The following LTA4H variants were observed in gnomAD, a reference collection of about 807,000 sequenced individuals.
LTA4H encodes leukotriene A4 hydrolase.
A neutral mutation model predicts 89.8 loss-of-function variants in LTA4H; 59 were observed. That is an observed-to-expected ratio of 0.66 (90% CI 0.53 to 0.82). LTA4H has a LOEUF of 0.82. Ranked by LOEUF, LTA4H falls within the 40% of genes least tolerant of loss-of-function variation. LTA4H has a pLI of 0.00. For missense variants in LTA4H, 617 were observed against 727.0 expected (o/e 0.85, Z 1.74); for synonymous variants, 227 against 253.1 (o/e 0.90, Z 0.98).
At chr12:96,017,487 A>T in intron 9 of LTA4H, 70 bp downstream of exon 9, 1 of 1,279,304 alleles carries the variant, frequency 7.8e-7, no homozygotes, top group South Asian at 1.2e-5. Context: ...TAAAAATACA[A>T]GGGATATTTT....
intron 1 of LTA4H, among the ~76,000 whole-genome samples, chr12:96,040,608 G>C (rs1434518687): frequency 6.6e-6 from 1 of 152,124 alleles, no homozygotes; most frequent in Non-Finnish European, 1.5e-5. Flanking sequence ...CTAGAGCTCT[G>C]ACTACCATGT....
Position 96,024,217 on chromosome 12 carries a change from C to T in LTA4H, c.480+262G>A, listed in dbSNP as rs574420875. 2.6e-5 allele frequency among the ~76,000 whole-genome samples: 4 copies of T among 152,260 alleles called. No homozygotes were observed. In the East Asian group the frequency reaches 5.8e-4, roughly 22 times the overall value. On this transcript the variant is annotated intron_variant, in intron 4 of 18. Coordinates refer to ENST00000228740, the MANE Select transcript of LTA4H (RefSeq NM_000895.3). ...AAAGTGCTGGGATTACAGGTGTGAG[C>T]CACCACACCTAGCCCTGAATTCCTT...
chr12:96,010,880 T>G (rs1316448408), intron 14 of LTA4H: 1 of 152,166 alleles, frequency 6.6e-6, no homozygotes, highest in African/African-American at 2.4e-5. Flanking sequence ...GAGATGTGGA[T>G]AGACTCAGAT....
At position 96,022,427 on chromosome 12, in the gene LTA4H, C is replaced by T. The variant is rs1950464618; in HGVS notation, c.481-176G>A. 6.6e-6 allele frequency among the ~76,000 whole-genome samples: 1 copy of T among 151,818 alleles called. No homozygotes were observed. The highest frequency in any genetic ancestry group is 2.4e-5 in the African/African-American group (1 of 41,290). On this transcript the variant is annotated intron_variant, in intron 4 of 18. Coordinates refer to ENST00000228740, the MANE Select transcript of LTA4H (RefSeq NM_000895.3). The surrounding 1 kb of genome is among the most constrained non-coding windows in gnomAD (Gnocchi z 4.0). Reference sequence around the variant, plus strand: ...ATATACACACACATATATATGAACACAACGTGTATAGATGTGTATATATAT... The same window carrying T: ...ATATACACACACATATATATGAACATAACGTGTATAGATGTGTATATATAT...
chr12:96,002,703 A>G (rs969935712), intron 18 of LTA4H, among the ~76,000 whole-genome samples: 1 of 152,342 alleles, frequency 6.6e-6, no homozygotes, highest in African/African-American at 2.4e-5. Flanking sequence ...ATATAAGGCT[A>G]TCTTTGATTT....
chr12:96,018,206 C>T (rs760526656), intron 8 of LTA4H, among the ~76,000 whole-genome samples: 6 of 152,012 alleles, frequency 3.9e-5, no homozygotes, highest in Admixed American at 1.3e-4. Context: ...CCCCAAATAC[C>T]GTGAACATAA....
intron 7 of LTA4H, 74 bp from the exon 8 acceptor site, chr12:96,018,977 T>C (rs1950418440): frequency 3.6e-6 from 5 of 1,370,152 alleles, no homozygotes; most frequent in Non-Finnish European, 5.0e-6. Flanking sequence ...TGTATATTGC[T>C]TTCTATGAAG....
At chr12:96,017,750 G>A (rs541663217) in intron 8 of LTA4H, among the ~76,000 whole-genome samples, 170 bp from the exon 9 acceptor site, 21 of 152,196 alleles carry the variant, frequency 1.4e-4, no homozygotes, top group Admixed American at 3.9e-4. Context: ...AAAAAATACA[G>A]AACTAAAAAT....
chr12:96,003,529 C>A, intron 17 of LTA4H: 1 of 213,006 alleles, frequency 4.7e-6, no homozygotes, highest in South Asian at 1.6e-4. Flanking sequence ...CTAACTATTC[C>A]CATTTCAAAG....
intron 6 of LTA4H, among the ~76,000 whole-genome samples, chr12:96,019,706 C>T (rs1409433331): frequency 1.3e-5 from 2 of 151,476 alleles, no homozygotes; most frequent in Non-Finnish European, 2.9e-5. Flanking sequence ...ATTCTCCTGC[C>T]TCAGCCTCCC....
At chr12:96,004,944 G>A (rs1453347445) in intron 16 of LTA4H, among the ~76,000 whole-genome samples, 1 of 152,022 alleles carries the variant, frequency 6.6e-6, no homozygotes, top group African/African-American at 2.4e-5. Context: ...ATGATGACCC[G>A]ATGCACTAAA....
intron 16 of LTA4H, 44 bp downstream of exon 16, chr12:96,006,270 C>A: frequency 8.0e-7 from 1 of 1,246,112 alleles, no homozygotes. Flanking sequence ...AATGCTGTGC[C>A]TTTCTGTCCA....
intron 10 of LTA4H, among the ~76,000 whole-genome samples, chr12:96,016,068 C>G (rs946510166): frequency 1.3e-5 from 2 of 152,194 alleles, no homozygotes; most frequent in Non-Finnish European, 2.9e-5. Flanking sequence ...AATCCTAGCA[C>G]TTTGGGAGGC....
intron 7 of LTA4H, 85 bp from the exon 8 acceptor site, chr12:96,018,988 G>T: frequency 7.6e-7 from 1 of 1,309,740 alleles, no homozygotes; most frequent in South Asian, 1.5e-5. Flanking sequence ...TTCTATGAAG[G>T]TTACAAGTTA....
At position 96,029,159 on chromosome 12, in the gene LTA4H, T is replaced by C. The variant is rs1446714008; in HGVS notation, c.186A>G (p.Ile62Met). The stretch of plus-strand genomic sequence containing the variant: ...CTTGTCCATTGATCACTACTTTTTC[T>C]ATTGTAAGGTCCTTTGTATCCAAAA... ...SLVLDTKDLT[I>M]EKVVINGQEV... The change falls in exon 2 of 19, where the codon ATA becomes ATG. Residue 62 changes from isoleucine (I) to methionine (M), a missense_variant. Coordinates refer to ENST00000228740, the MANE Select transcript of LTA4H (RefSeq NM_000895.3). The C allele has an allele frequency of 6.4e-7, 1 of 1,563,086 alleles. No individual in the cohort carries two copies. Among genetic ancestry groups the C allele is most frequent in the South Asian group, 1.2e-5 (1 of 85,388 alleles).
intron 1 of LTA4H, among the ~76,000 whole-genome samples, chr12:96,031,098 C>G (rs1449167412): frequency 6.6e-6 from 1 of 152,158 alleles, no homozygotes; most frequent in Non-Finnish European, 1.5e-5. Context: ...GTCATAGTGA[C>G]AACTATTTTT....
At chr12:96,037,783 C>G (rs577669460), upstream of LTA4H, among the ~76,000 whole-genome samples, 11 of 151,124 alleles carry the variant, frequency 7.3e-5, no homozygotes, top group African/African-American at 2.7e-4. Context: ...AGCTCCGCCT[C>G]CCGGGTTCAC....
intron 10 of LTA4H, among the ~76,000 whole-genome samples, chr12:96,016,762 G>A (rs529512051): frequency 5.9e-5 from 9 of 151,984 alleles, no homozygotes; most frequent in Non-Finnish European, 1.3e-4. Flanking sequence ...TTAGCTGGGC[G>A]TGGTGGCGCA....
In LTA4H at chr12:96,014,894, CA is replaced by C; in HGVS notation, c.1164del (p.Phe388LeufsTer18). On this transcript the variant is annotated frameshift_variant, in exon 12 of 19. Coordinates refer to ENST00000228740, the MANE Select transcript of LTA4H (RefSeq NM_000895.3). LOFTEE classifies it high-confidence loss of function. Reference sequence around the variant, plus strand: ...AGTTGTTCAAGGTAAAAAAGTAAAGCAAAGCCCTTCTCATAGGGAACTGAAG... The same window carrying C: ...AGTTGTTCAAGGTAAAAAAGTAAAGCAAGCCCTTCTCATAGGGAACTGAAG... ...AYSSVPYEKGFALLFYLEQLL... is the reference protein window; with the variant it reads ...AYSSVPYEKGXALLFYLEQLL... The C allele has an allele frequency of 6.2e-7, 1 of 1,613,582 alleles. No individual in the cohort carries two copies. Among genetic ancestry groups the C allele is most frequent in the Admixed American group, 1.7e-5 (1 of 59,974 alleles).
Sources: gnomAD v4.1 joint callset for allele counts (sites outside exome capture counted in the v4.1 genomes callset) on GRCh38, gnomAD v4.1.1 for gene constraint, Gnocchi (gnomAD v3.1) non-coding constraint, MANE v1.5 for transcripts, NCBI Gene and HGNC (gene_info 2026-07-23, HGNC 2026-07-21) for gene names.